Variants in SLC24A3 observed in about 807,000 individuals in gnomAD.
The protein encoded by SLC24A3 is solute carrier family 24 member 3.
SLC24A3 carries 28 observed loss-of-function variants against 75.8 expected under a neutral mutation model. The observed-to-expected ratio is 0.37, with a 90% CI of 0.27 to 0.51. SLC24A3 has a LOEUF of 0.51. Ranked by LOEUF, SLC24A3 falls within the 20% of genes least tolerant of loss-of-function variation. The pLI is 0.94. For missense variants in SLC24A3, 663 were observed against 847.8 expected (o/e 0.78, Z 2.71); for synonymous variants, 372 against 334.1 (o/e 1.11, Z -1.24).
chr20:19,488,429 G>A (rs1988159537), intron 2 of SLC24A3, among the ~76,000 whole-genome samples: 1 of 152,180 alleles, frequency 6.6e-6, no homozygotes, highest in Admixed American at 6.5e-5. Flanking sequence ...AGCCTCATGT[G>A]TGAGGTTCTG....
At chr20:19,374,946 C>T (rs537492850) in intron 2 of SLC24A3, among the ~76,000 whole-genome samples, 12 of 152,282 alleles carry the variant, frequency 7.9e-5, no homozygotes, top group Middle Eastern at 3.4e-3. Flanking sequence ...AGCTCCCTTA[C>T]CCCTTGGGCA....
chr20:19,323,005 GACCATCCTGGCTAACACGGTGAA>G, intron 2 of SLC24A3, among the ~76,000 whole-genome samples: 1 of 151,892 alleles, frequency 6.6e-6, no homozygotes, highest in Non-Finnish European at 1.5e-5. Flanking sequence ...AGGAGATCGA[GACCATCCTGGCTAACACGGTGAA>G]ACCCCGTCTC....
intron 2 of SLC24A3, among the ~76,000 whole-genome samples, chr20:19,512,974 T>A (rs2029911779): frequency 6.6e-6 from 1 of 152,206 alleles, no homozygotes; most frequent in African/African-American, 2.4e-5. Flanking sequence ...ATGGCTGTTG[T>A]GATTGATACA....
chr20:19,638,480 T>C (rs1160108629), intron 6 of SLC24A3, among the ~76,000 whole-genome samples: 3 of 152,114 alleles, frequency 2.0e-5, no homozygotes, highest in Non-Finnish European at 2.9e-5. Context: ...AGATACCCAC[T>C]TGAGGAACTC....
At chr20:19,297,371 G>T (rs909834475) in intron 2 of SLC24A3, among the ~76,000 whole-genome samples, 1 of 152,108 alleles carries the variant, frequency 6.6e-6, no homozygotes, top group Non-Finnish European at 1.5e-5. Context: ...CTCTGTCAAG[G>T]TATAGGACAT....
chr20:19,653,984 T>C (rs2122709983), intron 6 of SLC24A3, 78 bp from the exon 7 acceptor site: 1 of 1,251,738 alleles, frequency 8.0e-7, no homozygotes, highest in Non-Finnish European at 1.2e-6. Flanking sequence ...GACAGGAAGC[T>C]GGCTAAACCT....
intron 2 of SLC24A3, among the ~76,000 whole-genome samples, chr20:19,340,026 G>A (rs1047981014): frequency 6.6e-6 from 1 of 152,152 alleles, no homozygotes; most frequent in Non-Finnish European, 1.5e-5. Flanking sequence ...GGATCCAAGG[G>A]GTGGGCTCAG....
chr20:19,329,687 A>C (rs1371903511), intron 2 of SLC24A3, among the ~76,000 whole-genome samples: 1 of 152,222 alleles, frequency 6.6e-6, no homozygotes. Flanking sequence ...GGAACAGATA[A>C]GATCCCTCCT....
At chr20:19,701,532 A>C (rs566395569) in intron 15 of SLC24A3, among the ~76,000 whole-genome samples, 1 of 152,158 alleles carries the variant, frequency 6.6e-6, no homozygotes, top group Non-Finnish European at 1.5e-5. Context: ...CTTCGCAGTT[A>C]ACACAACCTA....
At chr20:19,624,567 C>A (rs78546598) in intron 6 of SLC24A3, among the ~76,000 whole-genome samples, 7,330 of 152,206 alleles carry the variant, frequency 0.048, 596 homozygotes, top group African/African-American at 0.17. Context: ...GAAAAGTGAA[C>A]TATGCCAGGC....
chr20:19,521,946 G>A (rs1380848679), intron 3 of SLC24A3, among the ~76,000 whole-genome samples: 1 of 151,906 alleles, frequency 6.6e-6, no homozygotes, highest in African/African-American at 2.4e-5. Flanking sequence ...GGTCTTTCAA[G>A]GATGTCTTTT....
intron 3 of SLC24A3, among the ~76,000 whole-genome samples, chr20:19,546,036 G>C (rs2030583627): frequency 6.6e-6 from 1 of 151,682 alleles, no homozygotes; most frequent in South Asian, 2.1e-4. Flanking sequence ...GCGGGCACCT[G>C]TAGTCCCAGC....
chr20:19,305,145 C>T (rs1335741136), intron 2 of SLC24A3, among the ~76,000 whole-genome samples: 4 of 152,104 alleles, frequency 2.6e-5, no homozygotes, highest in African/African-American at 9.7e-5. Context: ...TGTGTCCATT[C>T]TTTCTGTGCA....
intron 6 of SLC24A3, among the ~76,000 whole-genome samples, chr20:19,590,615 G>T (rs1418139173): frequency 6.6e-6 from 1 of 152,222 alleles, no homozygotes; most frequent in Non-Finnish European, 1.5e-5. Context: ...GAGCCAGCGT[G>T]CTTCCGTACA....
intron 1 of SLC24A3, among the ~76,000 whole-genome samples, chr20:19,256,111 T>G (rs576003496): frequency 2.4e-4 from 36 of 151,420 alleles, no homozygotes; most frequent in African/African-American, 8.2e-4. Context: ...ATAATAATAA[T>G]AATAATAATA....
At chr20:19,599,178 A>G (rs1197255236) in intron 6 of SLC24A3, among the ~76,000 whole-genome samples, 1 of 152,192 alleles carries the variant, frequency 6.6e-6, no homozygotes, top group Non-Finnish European at 1.5e-5. Context: ...CAGAGTTAGG[A>G]TGCAGAACAA....
intron 6 of SLC24A3, among the ~76,000 whole-genome samples, chr20:19,601,745 G>A (rs1483872543): frequency 6.6e-6 from 1 of 152,210 alleles, no homozygotes; most frequent in Non-Finnish European, 1.5e-5. Context: ...GTCCCTCCAT[G>A]CACAGCCTCT....
At chr20:19,493,761 C>T (rs1304649157) in intron 2 of SLC24A3, among the ~76,000 whole-genome samples, 2 of 152,136 alleles carry the variant, frequency 1.3e-5, no homozygotes, top group Non-Finnish European at 2.9e-5. Context: ...AAACACTTCT[C>T]AAGCCAATGG....
chr20:19,431,720 T>C (rs1987106805), intron 2 of SLC24A3, among the ~76,000 whole-genome samples: 3 of 106,618 alleles, frequency 2.8e-5, no homozygotes, highest in Admixed American at 2.8e-4. Context: ...TAGATTCACT[T>C]CAAAAAAAAA....
Sources: gnomAD v4.1 joint callset for allele counts (sites outside exome capture counted in the v4.1 genomes callset) on GRCh38, gnomAD v4.1.1 for gene constraint, MANE v1.5 for transcripts, NCBI Gene and HGNC (gene_info 2026-07-23, HGNC 2026-07-21) for gene names.